The following ST3GAL4 variants were observed in gnomAD, a reference collection of about 807,000 sequenced individuals.
ST3GAL4 encodes ST3 beta-galactoside alpha-2,3-sialyltransferase 4, also known as CMP-N-acetylneuraminate-beta-galactosamide-alpha-2,3-sialyltransferase 4.
Under a neutral mutation model 42.6 loss-of-function variants are expected in ST3GAL4, and 24 were observed. The ratio of observed to expected loss-of-function variants is 0.56; its 90% CI spans 0.41 to 0.79. The LOEUF (loss-of-function observed/expected upper bound fraction) is 0.79. Ranked by LOEUF, ST3GAL4 falls within the 30% of genes least tolerant of loss-of-function variation. The pLI, the probability that ST3GAL4 is intolerant of heterozygous loss-of-function variation, is 0.00. For missense variants in ST3GAL4, 311 were observed against 430.8 expected, an observed-to-expected ratio of 0.72 and a Z score of 2.46; for synonymous variants, 135 against 163.2, an observed-to-expected ratio of 0.83 and a Z score of 1.32.
chr11:126,400,252 G>T lies in ST3GAL4; in HGVS notation c.-60-5844G>T, dbSNP rs941406577. Among the ~76,000 whole-genome samples, 1 of 152,264 alleles carries T rather than the reference G, an allele frequency of 6.6e-6. No individual in the cohort carries two copies. On this transcript the variant is annotated intron_variant, in intron 1 of 10. Coordinates refer to ENST00000444328, the MANE Select transcript of ST3GAL4 (RefSeq NM_001254757.2). The surrounding 1 kb of genome is among the most constrained non-coding windows in gnomAD (Gnocchi z 4.6). The stretch of plus-strand genomic sequence containing the variant: ...GGCCTTCTTGCTGCATCATCCCATG[G>T]TGGAGAGTGGAATGGCAAGACAGAT...
At chr11:126,408,277 A>G in intron 7 of ST3GAL4, 30 bp from the exon 8 acceptor site, 1 of 1,613,052 alleles carries the variant, frequency 6.2e-7, no homozygotes, top group Non-Finnish European at 8.5e-7. Context: ...GGAGGCCTCT[A>G]GTGATGGGAA....
chr11:126,364,880 C>G (rs886790473), intron 1 of ST3GAL4, among the ~76,000 whole-genome samples: 2 of 151,576 alleles, frequency 1.3e-5, no homozygotes, highest in Non-Finnish European at 2.9e-5. Context: ...CAGACGTTCT[C>G]TCCTGAGCAT....
chr11:126,396,816 C>G lies in ST3GAL4; in HGVS notation c.-60-9280C>G, dbSNP rs192717292. Among the ~76,000 whole-genome samples the G allele has an allele frequency of 6.6e-6, 1 of 151,740 alleles. No homozygotes were observed. Among genetic ancestry groups the G allele is most frequent in the Admixed American group, 6.6e-5 (1 of 15,230 alleles). ...CTGGGCCGGTTACTGACCCCTTTCCCACCTTAGTTCCCTGGCTCTACAATG... is the reference window on the plus strand; with the variant it reads ...CTGGGCCGGTTACTGACCCCTTTCCGACCTTAGTTCCCTGGCTCTACAATG... On this transcript the variant is annotated intron_variant, in intron 1 of 10. Coordinates refer to ENST00000444328, the MANE Select transcript of ST3GAL4 (RefSeq NM_001254757.2). This position sits in a 1 kb window ranked among gnomAD's most constrained non-coding sequence, Gnocchi z 5.8.
chr11:126,382,661 G>T (rs1294827852), intron 1 of ST3GAL4, among the ~76,000 whole-genome samples: 3 of 152,196 alleles, frequency 2.0e-5, no homozygotes, highest in African/African-American at 7.2e-5. Flanking sequence ...ATCGCCTTCA[G>T]TTGATTTAGT....
chr11:126,392,448 C>G lies in ST3GAL4; in HGVS notation c.-60-13648C>G. 1.1e-6 allele frequency: 1 copy of G among 882,912 alleles called. No individual in the cohort carries two copies. The highest frequency in any genetic ancestry group is 1.4e-6 in the Non-Finnish European group (1 of 735,968). 54.7% of individuals were successfully genotyped at this position (882,912 alleles called of 1,614,324 possible). On this transcript the variant is annotated intron_variant, in intron 1 of 10. Coordinates refer to ENST00000444328, the MANE Select transcript of ST3GAL4 (RefSeq NM_001254757.2). The surrounding 1 kb of genome is among the most constrained non-coding windows in gnomAD (Gnocchi z 5.8). ...ATAAAGCAGGTCCTTGTGAGCTCAT[C>G]GACATGCATTTGGCAGAAAGTGCGC...
At chr11:126,407,103 T>C in intron 4 of ST3GAL4, 80 bp downstream of exon 4, 1 of 1,504,678 alleles carries the variant, frequency 6.6e-7, no homozygotes, top group Non-Finnish European at 9.2e-7. Flanking sequence ...GGGGAGTAGA[T>C]GGAAAGAGCA....
At chr11:126,371,647 G>C (rs1591429182) in intron 1 of ST3GAL4, among the ~76,000 whole-genome samples, 2 of 152,326 alleles carry the variant, frequency 1.3e-5, no homozygotes, top group Admixed American at 1.3e-4. Context: ...ATATTCAGTT[G>C]CGTGAATGTA....
In ST3GAL4 at chr11:126,376,068, C is replaced by G. The variant is rs1423514533; in HGVS notation, c.-61+20226C>G. On this transcript the variant is annotated intron_variant, in intron 1 of 10. Coordinates refer to ENST00000444328, the MANE Select transcript of ST3GAL4 (RefSeq NM_001254757.2). The surrounding 1 kb of genome is among the most constrained non-coding windows in gnomAD (Gnocchi z 5.1). ...TAGAATCTAGAGATATAAAGAAGTTCCTGACCACAGAGTTCATAGCCTCAC... is the reference window on the plus strand; with the variant it reads ...TAGAATCTAGAGATATAAAGAAGTTGCTGACCACAGAGTTCATAGCCTCAC... Among the ~76,000 whole-genome samples, 9 of 152,084 alleles carry G rather than the reference C, an allele frequency of 5.9e-5. No individual in the cohort carries two copies. Among genetic ancestry groups the G allele is most frequent in the Non-Finnish European group, 1.2e-4 (8 of 68,018 alleles).
chr11:126,368,787 G>C lies in ST3GAL4; in HGVS notation c.-61+12945G>C, dbSNP rs545352782. Among the ~76,000 whole-genome samples the C allele has an allele frequency of 4.6e-5, 7 of 152,342 alleles. 1 individual carries two copies. The South Asian group carries it at 1.4e-3, about 32-fold the overall frequency. ...CCTGGGGTGCTTCTGGCGATGCCCA[G>C]GCCTTTGCACGCTCAGATCTTTGCA... is the stretch of plus-strand genomic sequence containing the variant. On this transcript the variant is annotated intron_variant, in intron 1 of 10. Coordinates refer to ENST00000444328, the MANE Select transcript of ST3GAL4 (RefSeq NM_001254757.2).
intron 1 of ST3GAL4, among the ~76,000 whole-genome samples, chr11:126,369,209 C>T (rs1952544087): frequency 6.6e-6 from 1 of 152,114 alleles, no homozygotes; most frequent in African/African-American, 2.4e-5. Context: ...GCTCAAGCAA[C>T]CTCCCTTCAA....
intron 6 of ST3GAL4, among the ~76,000 whole-genome samples, 162 bp downstream of exon 6, chr11:126,407,796 G>A (rs1954320722): frequency 6.6e-6 from 1 of 151,670 alleles, no homozygotes; most frequent in African/African-American, 2.4e-5. Context: ...GGTGCAGAGT[G>A]GGCAGAGGCT....
chr11:126,403,309 T>C (rs980452289), intron 1 of ST3GAL4: 1 of 867,826 alleles, frequency 1.2e-6, no homozygotes, highest in Admixed American at 6.2e-5. Context: ...GGGCTAATTG[T>C]CTTGTTGTTC....
At chr11:126,370,469 G>A (rs113834299) in intron 1 of ST3GAL4, among the ~76,000 whole-genome samples, 2 of 152,130 alleles carry the variant, frequency 1.3e-5, no homozygotes, top group African/African-American at 4.8e-5. Flanking sequence ...TTTGGGGAGT[G>A]GGGGGTAGAC....
intron 1 of ST3GAL4, among the ~76,000 whole-genome samples, chr11:126,395,803 A>T (rs1953726067): frequency 6.6e-6 from 1 of 152,012 alleles, no homozygotes; most frequent in African/African-American, 2.4e-5. Flanking sequence ...AGTCCATTAA[A>T]CTTCTTTTTC....
At chr11:126,401,557 GA>G (rs751880802) in intron 1 of ST3GAL4, among the ~76,000 whole-genome samples, 25 of 123,840 alleles carry the variant, frequency 2.0e-4, no homozygotes, top group Admixed American at 2.6e-4. Flanking sequence ...CTCCCTCTCA[GA>G]AAAAAAAAAA....
rs1450142040 is a variant in ST3GAL4, at chr11:126,409,129, TC to T, written c.628-136del. 8.3e-6 allele frequency: 9 copies of T among 1,083,364 alleles called. No homozygotes were observed. Among genetic ancestry groups the T allele is most frequent in the Non-Finnish European group, 1.2e-5 (9 of 741,538 alleles). 67.1% of individuals were successfully genotyped at this position (1,083,364 alleles called of 1,614,324 possible). A position where few individuals can be genotyped will look rare whatever the true frequency, so the allele number is the denominator to read the frequency against. ...TCCCATCTGTGGCACAGACTTCACC[TC>T]CCTTTCCTCTCACCTTGTGCTCCTG... On this transcript the variant is annotated intron_variant, in intron 8 of 10. Coordinates refer to ENST00000444328, the MANE Select transcript of ST3GAL4 (RefSeq NM_001254757.2). This position sits in a 1 kb window ranked among gnomAD's most constrained non-coding sequence, Gnocchi z 4.9.
rs1309985422 is a variant in ST3GAL4, at chr11:126,359,732, C to A, written c.-61+3890C>A. Among the ~76,000 whole-genome samples the A allele has an allele frequency of 9.1e-6, 1 of 110,288 alleles. No individual in the cohort carries two copies. Among genetic ancestry groups the A allele is most frequent in the Non-Finnish European group, 1.7e-5 (1 of 57,914 alleles). 72.4% of individuals were successfully genotyped at this position (110,288 alleles called of 152,430 possible). On this transcript the variant is annotated intron_variant, in intron 1 of 10. Coordinates refer to ENST00000444328, the MANE Select transcript of ST3GAL4 (RefSeq NM_001254757.2). This position sits in a 1 kb window ranked among gnomAD's most constrained non-coding sequence, Gnocchi z 4.8. ...GGGCAGGACAAGGTTCTTCTCCCTC[C>A]CTCCTTCCCTCCTTCCCTCCTTCCC...
In ST3GAL4 at chr11:126,363,184, T is replaced by C. The variant is rs1302453730; in HGVS notation, c.-61+7342T>C. On this transcript the variant is annotated intron_variant, in intron 1 of 10. Transcript: ENST00000444328. This position sits in a 1 kb window ranked among gnomAD's most constrained non-coding sequence, Gnocchi z 4.6. ...GCAGTGTGGGCCGTTTCTCTAGACCTCCTGCCCCCATCTCCTTCCTGTCCC... is the reference window on the plus strand; with the variant it reads ...GCAGTGTGGGCCGTTTCTCTAGACCCCCTGCCCCCATCTCCTTCCTGTCCC... Among the ~76,000 whole-genome samples the C allele has an allele frequency of 2.0e-5, 3 of 152,208 alleles. No individual in the cohort carries two copies. The highest frequency in any genetic ancestry group is 4.4e-5 in the Non-Finnish European group (3 of 68,024).
At chr11:126,399,526 C>T (rs961738435) in intron 1 of ST3GAL4, among the ~76,000 whole-genome samples, 2 of 151,862 alleles carry the variant, frequency 1.3e-5, no homozygotes, top group African/African-American at 2.4e-5. Context: ...AGGCTGGTCT[C>T]GAACTCCTGA....
Sources: gnomAD v4.1 joint callset for allele counts (sites outside exome capture counted in the v4.1 genomes callset) on GRCh38, gnomAD v4.1.1 for gene constraint, Gnocchi (gnomAD v3.1) non-coding constraint, MANE v1.5 for transcripts, NCBI Gene and HGNC (gene_info 2026-07-23, HGNC 2026-07-21) for gene names.